Variants in GBF1 observed in about 807,000 individuals in gnomAD.
The protein encoded by GBF1 is Golgi-specific brefeldin A-resistance guanine nucleotide exchange factor 1.
A neutral mutation model predicts 210.5 loss-of-function variants in GBF1; 114 were observed. The observed-to-expected ratio is 0.54, with a 90% CI of 0.47 to 0.63. The LOEUF is 0.63. GBF1 is among the 30% of genes least tolerant of loss of function. The probability of loss-of-function intolerance (pLI) is 0.00; values close to 1 mark genes in which losing one functional copy is unlikely to be tolerated. For missense variants in GBF1, 1,851 were observed against 2,357.7 expected (o/e 0.79, Z 4.45); for synonymous variants, 850 against 889.2 (o/e 0.96, Z 0.78).
chr10:102,354,699 A>G (rs931703102), intron 8 of GBF1, among the ~76,000 whole-genome samples: 1 of 152,134 alleles, frequency 6.6e-6, no homozygotes, highest in African/African-American at 2.4e-5. Flanking sequence ...TCACATAGTT[A>G]GCCTAGAAAG....
intron 3 of GBF1, among the ~76,000 whole-genome samples, chr10:102,285,258 A>G (rs966111038): frequency 2.0e-5 from 3 of 152,232 alleles, no homozygotes; most frequent in Admixed American, 6.5e-5. Flanking sequence ...TTCATTTGCC[A>G]TCAGAATCCT....
At position 102,363,918 on chromosome 10, in the gene GBF1, G is replaced by A; in HGVS notation, c.2106+120G>A. 3 of 644,318 alleles carry A rather than the reference G, an allele frequency of 4.7e-6. No homozygotes were observed. In the South Asian group the frequency reaches 5.6e-5, roughly 12 times the overall value. 39.9% of individuals were successfully genotyped at this position (644,318 alleles called of 1,614,324 possible). A position where few individuals can be genotyped will look rare whatever the true frequency, so the allele number is the denominator to read the frequency against. On this transcript the variant is annotated intron_variant, in intron 17 of 39. Coordinates refer to ENST00000369983, the MANE Select transcript of GBF1 (RefSeq NM_001377137.1). This position sits in a 1 kb window ranked among gnomAD's most constrained non-coding sequence, Gnocchi z 4.2. ...CTCATTGTACAGCTTCCTGAGGCCAGTCTTTGGGCTTGTTGGGACTTCAGC... is the reference window on the plus strand; with the variant it reads ...CTCATTGTACAGCTTCCTGAGGCCAATCTTTGGGCTTGTTGGGACTTCAGC...
rs954063656 is a variant in GBF1, at chr10:102,382,581, T to G, written c.*245T>G. The G allele has an allele frequency of 6.9e-5, 31 of 446,914 alleles. 1 individual carries two copies. Among genetic ancestry groups the G allele is most frequent in the African/African-American group, 5.8e-4 (29 of 49,986 alleles). 27.7% of individuals were successfully genotyped at this position (446,914 alleles called of 1,614,324 possible). A position where few individuals can be genotyped will look rare whatever the true frequency, so the allele number is the denominator to read the frequency against. On this transcript the variant is annotated 3_prime_UTR_variant, in exon 40 of 40. Transcript: ENST00000369983. ...AGCCTGAGAGTGAACTCAGCTGTCA[T>G]CTGCAGCCTCTGCCTCCAGCCCGGC...
intron 3 of GBF1, among the ~76,000 whole-genome samples, chr10:102,281,542 AT>A (rs2075479498): frequency 6.7e-6 from 1 of 149,516 alleles, no homozygotes; most frequent in East Asian, 1.9e-4. Flanking sequence ...TATAAATTAT[AT>A]TTTTATAAAT....
In GBF1 at chr10:102,247,097, G is replaced by C. The variant is rs184175053; in HGVS notation, c.-11+1316G>C. Reference sequence around the variant, plus strand: ...GCCTGCTTTTGGCCCTGGCAGTCAGGAACACTTTGCACTTTTGCATGATGA... The same window carrying C: ...GCCTGCTTTTGGCCCTGGCAGTCAGCAACACTTTGCACTTTTGCATGATGA... On this transcript the variant is annotated intron_variant, in intron 1 of 39. Coordinates refer to ENST00000369983, the MANE Select transcript of GBF1 (RefSeq NM_001377137.1). 2.2e-3 allele frequency among the ~76,000 whole-genome samples: 339 copies of C among 152,272 alleles called. 1 individual carries two copies. The highest frequency in any genetic ancestry group is 7.9e-3 in the African/African-American group (327 of 41,554).
chr10:102,354,969 A>G (rs1045166078), intron 8 of GBF1, among the ~76,000 whole-genome samples: 3 of 150,098 alleles, frequency 2.0e-5, no homozygotes, highest in African/African-American at 7.4e-5. Context: ...AAGGATTAGA[A>G]CTCTAGATTG....
chr10:102,256,376 A>G (rs190217650), intron 1 of GBF1, among the ~76,000 whole-genome samples: 78 of 151,670 alleles, frequency 5.1e-4, no homozygotes, highest in Admixed American at 4.9e-3. Context: ...TTCTTTCTCT[A>G]TTATCTCTGG....
At chr10:102,297,036 C>T (rs891530387) in intron 3 of GBF1, among the ~76,000 whole-genome samples, 1 of 143,540 alleles carries the variant, frequency 7.0e-6, no homozygotes, top group Non-Finnish European at 1.5e-5. Flanking sequence ...CAGAGCGAGA[C>T]TGTCTCAAAA....
chr10:102,256,490 A>G (rs1471943880), intron 1 of GBF1, among the ~76,000 whole-genome samples: 1 of 151,286 alleles, frequency 6.6e-6, no homozygotes, highest in Non-Finnish European at 1.5e-5. Flanking sequence ...TTGATAGTAC[A>G]GTAATACATT....
chr10:102,374,258 G>A (rs909304912), intron 29 of GBF1, among the ~76,000 whole-genome samples: 16 of 152,126 alleles, frequency 1.1e-4, no homozygotes, highest in African/African-American at 3.4e-4. Context: ...GCTGAGGCAG[G>A]AGAATCACTT....
chr10:102,263,506 G>A (rs2073479329), intron 3 of GBF1, among the ~76,000 whole-genome samples: 1 of 152,056 alleles, frequency 6.6e-6, no homozygotes, highest in South Asian at 2.1e-4. Flanking sequence ...TATCACTGTT[G>A]GAAATGGGTG....
intron 1 of GBF1, among the ~76,000 whole-genome samples, chr10:102,258,317 G>A (rs907339875): frequency 1.5e-4 from 23 of 151,070 alleles, no homozygotes; most frequent in African/African-American, 5.6e-4. Flanking sequence ...ACCTCGCCTG[G>A]CTAATTTTTT....
At chr10:102,353,719 G>T in intron 8 of GBF1, 65 bp downstream of exon 8, 1 of 1,166,756 alleles carries the variant, frequency 8.6e-7, no homozygotes, top group Non-Finnish European at 1.3e-6. Context: ...TCAGTGCCTT[G>T]GGGTAACCTT....
chr10:102,380,985 A>C, intron 38 of GBF1, 142 bp from the exon 39 acceptor site: 1 of 747,012 alleles, frequency 1.3e-6, no homozygotes. Context: ...ACAGAACGAG[A>C]TTCCATCTCA....
At chr10:102,376,481 G>A (rs2135317214) in intron 31 of GBF1, 49 bp downstream of exon 31, 6 of 1,611,704 alleles carry the variant, frequency 3.7e-6, no homozygotes, top group Non-Finnish European at 5.1e-6. Context: ...TTGACCTGTG[G>A]GAAGAATTCC....
chr10:102,364,614 C>T (rs113786772), intron 17 of GBF1, among the ~76,000 whole-genome samples: 5,359 of 150,926 alleles, frequency 0.036, 151 homozygotes, highest in African/African-American at 0.081. Flanking sequence ...TTTGGGAGAT[C>T]GAGGTGGGCA....
rs57985048 is a variant in GBF1, at chr10:102,280,130, A to AAGAGAGAGAGAG, written c.163+20026_163+20037dup. Among the ~76,000 whole-genome samples, 240 of 150,112 alleles carry AAGAGAGAGAGAG rather than the reference A, an allele frequency of 1.6e-3. 1 individual carries two copies. Among genetic ancestry groups the AAGAGAGAGAGAG allele is most frequent in the African/African-American group, 5.3e-3 (218 of 40,930 alleles). On this transcript the variant is annotated intron_variant, in intron 3 of 39. Transcript: ENST00000369983. ...CAGAGGAGTCCCTGTCTTAAAAAAA[A>AAGAGAGAGAGAG]AGAGAGAGAGAGAGAGAGAGAGAAA...
the GBF1 span, among the ~76,000 whole-genome samples, chr10:102,234,261 C>G: frequency 6.6e-6 from 1 of 152,128 alleles, no homozygotes; most frequent in East Asian, 1.9e-4. Context: ...CAGCTGTGCC[C>G]CCACTCCCCA....
At chr10:102,368,489 C>A in intron 22 of GBF1, 35 bp downstream of exon 22, 2 of 1,146,182 alleles carry the variant, frequency 1.7e-6, no homozygotes, top group Non-Finnish European at 2.6e-6. Context: ...TCACCTCCCA[C>A]TAGCTCTGTG....
Sources: allele counts gnomAD v4.1 joint callset (sites outside exome capture counted in the v4.1 genomes callset), GRCh38; gene constraint gnomAD v4.1.1; non-coding constraint Gnocchi (gnomAD v3.1); transcripts MANE v1.5; gene names NCBI Gene and HGNC (gene_info 2026-07-23, HGNC 2026-07-21).